Variants in SLC25A15 observed in about 807,000 individuals in gnomAD.
SLC25A15 encodes mitochondrial ornithine transporter 1.
A neutral mutation model predicts 32.3 loss-of-function variants in SLC25A15; 24 were observed. The ratio of observed to expected loss-of-function variants is 0.74; its 90% confidence interval spans 0.54 to 1.04. The LOEUF (loss-of-function observed/expected upper bound fraction) is 1.04. Among genes scored for constraint, SLC25A15 ranks in the 50% least tolerant of loss-of-function variants. The pLI is 0.00. For synonymous variants in SLC25A15, 132 were observed against 142.1 expected (o/e 0.93, Z 0.51); for missense variants, 317 against 374.5 (o/e 0.85, Z 1.27).
chr13:40,807,237 G>A lies in SLC25A15; in HGVS notation c.453-57G>A, dbSNP rs978299443. On this transcript the variant is annotated intron_variant, in intron 4 of 6. Coordinates refer to ENST00000338625, the MANE Select transcript of SLC25A15 (RefSeq NM_014252.4). ...CTGTTAATTGGTTGCAAATGCCCTT[G>A]TCTTTTCTTCCTTCCCACCTGCTGT... The A allele has an allele frequency of 3.2e-6, 5 of 1,545,764 alleles. No individual in the cohort carries two copies. In the African/African-American group the frequency reaches 5.5e-5, roughly 17 times the overall value.
intron 1 of SLC25A15, among the ~76,000 whole-genome samples, chr13:40,791,632 C>T (rs1471445833): frequency 1.3e-5 from 2 of 152,112 alleles, no homozygotes; most frequent in Non-Finnish European, 2.9e-5. Flanking sequence ...GCTGGGATTA[C>T]AGGCGTGAGC....
intron 1 of SLC25A15, among the ~76,000 whole-genome samples, chr13:40,791,649 G>T (rs879379666): frequency 2.0e-5 from 3 of 152,016 alleles, no homozygotes; most frequent in Non-Finnish European, 4.4e-5. Flanking sequence ...GAGCCACCGC[G>T]CCTGGCCAGG....
intron 2 of SLC25A15, among the ~76,000 whole-genome samples, chr13:40,794,151 A>G (rs1881597031): frequency 6.6e-6 from 1 of 152,170 alleles, no homozygotes; most frequent in South Asian, 2.1e-4. Flanking sequence ...GACCAGCTTG[A>G]CCAACATGGA....
chr13:40,792,817 C>G (rs1394806045), intron 1 of SLC25A15, among the ~76,000 whole-genome samples: 1 of 152,136 alleles, frequency 6.6e-6, no homozygotes, highest in Non-Finnish European at 1.5e-5. Flanking sequence ...TGAGCCTGTT[C>G]AATTGATGGC....
At chr13:40,801,862 T>G (rs1374725978) in intron 3 of SLC25A15, among the ~76,000 whole-genome samples, 1 of 152,244 alleles carries the variant, frequency 6.6e-6, no homozygotes, top group African/African-American at 2.4e-5. Flanking sequence ...ATTCCAGTTC[T>G]ACACATTCAT....
intron 3 of SLC25A15, among the ~76,000 whole-genome samples, chr13:40,803,605 C>T (rs760963689): frequency 6.6e-6 from 1 of 152,234 alleles, no homozygotes; most frequent in African/African-American, 2.4e-5. Context: ...TTTGTGCATT[C>T]ATCCCTCTGC....
At chr13:40,794,454 C>A (rs1881609485) in intron 2 of SLC25A15, among the ~76,000 whole-genome samples, 1 of 152,124 alleles carries the variant, frequency 6.6e-6, no homozygotes, top group African/African-American at 2.4e-5. Context: ...AGCCTAGGGG[C>A]CTGAGCCCAA....
At chr13:40,790,031 G>T (rs1367763678) in intron 1 of SLC25A15, among the ~76,000 whole-genome samples, 1 of 152,200 alleles carries the variant, frequency 6.6e-6, no homozygotes. Context: ...TTTAGGGTCC[G>T]GCCAAGAAAG....
At chr13:40,800,014 GA>G (rs1464506886) in intron 3 of SLC25A15, among the ~76,000 whole-genome samples, 1 of 152,186 alleles carries the variant, frequency 6.6e-6, no homozygotes, top group Non-Finnish European at 1.5e-5. Context: ...ACAGAATTTG[GA>G]AACCACTGGG....
At chr13:40,803,987 G>A (rs1186104306) in intron 3 of SLC25A15, among the ~76,000 whole-genome samples, 6 of 152,002 alleles carry the variant, frequency 3.9e-5, no homozygotes, top group South Asian at 2.1e-4. Flanking sequence ...TTTTTGTGGC[G>A]TTTTATTTTG....
intron 2 of SLC25A15, among the ~76,000 whole-genome samples, chr13:40,794,840 C>T (rs2138041041): frequency 6.6e-6 from 1 of 152,040 alleles, no homozygotes; most frequent in South Asian, 2.1e-4. Context: ...ATGGTCACCT[C>T]ATCAGTCATT....
intron 3 of SLC25A15, among the ~76,000 whole-genome samples, chr13:40,804,828 T>G (rs918506504): frequency 4.0e-5 from 6 of 151,756 alleles, no homozygotes; most frequent in Non-Finnish European, 7.4e-5. Flanking sequence ...GGGATTACAG[T>G]TGTGAGCCAC....
At chr13:40,804,601 G>A (rs1220724386) in intron 3 of SLC25A15, among the ~76,000 whole-genome samples, 6 of 150,614 alleles carry the variant, frequency 4.0e-5, no homozygotes, top group Non-Finnish European at 8.8e-5. Context: ...GAGTACAGTG[G>A]CACAATCTCA....
At chr13:40,790,947 C>T (rs1162546412) in intron 1 of SLC25A15, among the ~76,000 whole-genome samples, 1 of 151,932 alleles carries the variant, frequency 6.6e-6, no homozygotes, top group African/African-American at 2.4e-5. Context: ...TTCTTAGGGA[C>T]AGATAGAATG....
intron 4 of SLC25A15, among the ~76,000 whole-genome samples, chr13:40,805,994 A>G (rs3783165): frequency 0.03 from 4,527 of 152,298 alleles, 203 homozygotes; most frequent in East Asian, 0.15. Context: ...CTCAAAGCCT[A>G]TAAATCTGCT....
intron 3 of SLC25A15, among the ~76,000 whole-genome samples, chr13:40,799,860 G>C (rs1198998879): frequency 6.6e-6 from 1 of 152,250 alleles, no homozygotes; most frequent in Non-Finnish European, 1.5e-5. Flanking sequence ...GTCTGAGCCA[G>C]ATGAACTTGA....
chr13:40,799,295 G>A lies in SLC25A15; in HGVS notation c.294G>A (p.Leu98=), dbSNP rs763267150. 1.2e-6 allele frequency: 2 copies of A among 1,614,130 alleles called. No homozygotes were observed. Among genetic ancestry groups the A allele is most frequent in the Admixed American group, 3.3e-5 (2 of 60,008 alleles). The change falls in exon 3 of 7, where the codon TTG becomes TTA. Residue 98 remains leucine (L), a synonymous_variant. Coordinates refer to ENST00000338625, the MANE Select transcript of SLC25A15 (RefSeq NM_014252.4). ...CQQVVRKVAG[L]DKQAKLSDLQ... ...AGGTGGTGCGGAAAGTGGCTGGATT[G>A]GACAAGCAGGCAAAGCTGAGGTGAG... is the stretch of plus-strand genomic sequence containing the variant.
chr13:40,795,715 T>C (rs1017759306), intron 2 of SLC25A15, among the ~76,000 whole-genome samples: 1 of 152,108 alleles, frequency 6.6e-6, no homozygotes, highest in Non-Finnish European at 1.5e-5. Flanking sequence ...TGCCTAGCAG[T>C]GACACAGAAA....
intron 2 of SLC25A15, among the ~76,000 whole-genome samples, chr13:40,798,437 C>T (rs1380695410): frequency 2.0e-5 from 3 of 152,108 alleles, no homozygotes; most frequent in Admixed American, 2.0e-4. Context: ...AGAGGTTTTT[C>T]TATAGAATGA....
Sources: gnomAD v4.1 joint callset for allele counts (sites outside exome capture counted in the v4.1 genomes callset) on GRCh38, gnomAD v4.1.1 for gene constraint, MANE v1.5 for transcripts, NCBI Gene and HGNC (gene_info 2026-07-23, HGNC 2026-07-21) for gene names.